CLRN1: variants seen among roughly 807,000 people sequenced by gnomAD.
CLRN1 encodes the protein clarin 1.
Under a neutral mutation model 18.7 loss-of-function variants are expected in CLRN1, and 15 were observed. The ratio of observed to expected loss-of-function variants is 0.80; its 90% confidence interval spans 0.54 to 1.23. The LOEUF (loss-of-function observed/expected upper bound fraction) is 1.23, where lower values mean the gene tolerates loss of function less well. Among genes scored for constraint, CLRN1 ranks in the 50% most tolerant of loss-of-function variants. The pLI is 0.00. For synonymous variants in CLRN1, 104 were observed against 102.9 expected, an observed-to-expected ratio of 1.01 and a Z score of -0.07; for missense variants, 311 against 277.5, an observed-to-expected ratio of 1.12 and a Z score of -0.86.
chr3:150,972,334 T>C (rs954592151), intron 1 of CLRN1, 122 bp downstream of exon 1: 14 of 1,257,098 alleles, frequency 1.1e-5, no homozygotes, highest in Middle Eastern at 1.9e-4. Flanking sequence ...GTTTTTCATA[T>C]GGTTCACACC....
intron 1 of CLRN1, among the ~76,000 whole-genome samples, chr3:150,945,126 A>G (rs1423164992): frequency 6.6e-6 from 1 of 152,166 alleles, no homozygotes; most frequent in African/African-American, 2.4e-5. Context: ...TTTATGTGCT[A>G]AGTGCCTCAA....
chr3:150,971,863 G>GT (rs1715553454), intron 1 of CLRN1, among the ~76,000 whole-genome samples: 1 of 152,178 alleles, frequency 6.6e-6, no homozygotes, highest in Non-Finnish European at 1.5e-5. Context: ...AGGTCAATCA[G>GT]TTTAAAATGT....
At chr3:150,938,015 C>T (rs1360577899) in intron 2 of CLRN1, among the ~76,000 whole-genome samples, 2 of 152,020 alleles carry the variant, frequency 1.3e-5, no homozygotes, top group African/African-American at 4.8e-5. Flanking sequence ...CCCAGGATGC[C>T]AAGTCTTGGG....
At chr3:150,939,464 C>A (rs1713680841) in intron 2 of CLRN1, among the ~76,000 whole-genome samples, 1 of 152,182 alleles carries the variant, frequency 6.6e-6, no homozygotes, top group South Asian at 2.1e-4. Flanking sequence ...ACCTCGGAGT[C>A]TCTTTTTGTT....
chr3:150,935,648 G>C (rs1180065488), intron 2 of CLRN1, among the ~76,000 whole-genome samples: 4 of 150,974 alleles, frequency 2.6e-5, no homozygotes, highest in Non-Finnish European at 5.9e-5. Flanking sequence ...ATAGTCCTTT[G>C]GGTATATACC....
intron 2 of CLRN1, among the ~76,000 whole-genome samples, chr3:150,938,752 A>G (rs1020538370): frequency 3.3e-5 from 5 of 152,036 alleles, no homozygotes; most frequent in African/African-American, 1.2e-4. Flanking sequence ...TCCCTGATTC[A>G]CAAACCTTTA....
chr3:150,928,335 A>C (rs1712945914), intron 2 of CLRN1, 134 bp from the exon 3 acceptor site: 1 of 1,127,534 alleles, frequency 8.9e-7, no homozygotes, highest in Non-Finnish European at 1.3e-6. Context: ...AAATTATTGC[A>C]TATTTGTAAT....
At chr3:150,948,304 G>A (rs1389686966) in intron 1 of CLRN1, among the ~76,000 whole-genome samples, 1 of 151,816 alleles carries the variant, frequency 6.6e-6, no homozygotes, top group African/African-American at 2.4e-5. Context: ...CTAACACGGT[G>A]AAACCCCGTC....
chr3:150,967,433 G>A (rs1715317222), intron 1 of CLRN1, among the ~76,000 whole-genome samples: 1 of 151,892 alleles, frequency 6.6e-6, no homozygotes, highest in African/African-American at 2.4e-5. Flanking sequence ...CTATTTGCTG[G>A]ACTGTTTTAA....
chr3:150,930,162 C>T (rs537426563), intron 2 of CLRN1, among the ~76,000 whole-genome samples: 6 of 152,106 alleles, frequency 3.9e-5, no homozygotes, highest in Non-Finnish European at 5.9e-5. Context: ...GGGGCTGTTA[C>T]TGAGAGGGTG....
chr3:150,941,145 T>TATCTATCTATC (rs1241939026), intron 2 of CLRN1, among the ~76,000 whole-genome samples: 2 of 73,602 alleles, frequency 2.7e-5, no homozygotes, highest in East Asian at 5.8e-4. Flanking sequence ...TCTGTCTATC[T>TATCTATCTATC]ATCTATCTAT....
At chr3:150,959,501 C>T (rs904925781) in intron 1 of CLRN1, among the ~76,000 whole-genome samples, 1 of 151,820 alleles carries the variant, frequency 6.6e-6, no homozygotes, top group Non-Finnish European at 1.5e-5. Context: ...CAGTGATGGG[C>T]CCCTATAGTC....
At chr3:150,945,854 C>T (rs557918007) in intron 1 of CLRN1, among the ~76,000 whole-genome samples, 2 of 152,288 alleles carry the variant, frequency 1.3e-5, no homozygotes, top group South Asian at 4.1e-4. Flanking sequence ...TTTGAGGCAG[C>T]TGGGCAATCT....
chr3:150,956,658 T>C (rs1249714260), intron 1 of CLRN1, among the ~76,000 whole-genome samples: 7 of 152,182 alleles, frequency 4.6e-5, no homozygotes, highest in Non-Finnish European at 7.3e-5. Context: ...GATGCTCTCA[T>C]AGGAAAGCTG....
At chr3:150,968,933 A>AC (rs1576648758) in intron 1 of CLRN1, among the ~76,000 whole-genome samples, 1 of 151,082 alleles carries the variant, frequency 6.6e-6, no homozygotes, top group South Asian at 2.1e-4. Flanking sequence ...GGAGCGCCCC[A>AC]CCCCCGCGTC....
At chr3:150,950,262 C>T (rs1714411960) in intron 1 of CLRN1, among the ~76,000 whole-genome samples, 1 of 152,192 alleles carries the variant, frequency 6.6e-6, no homozygotes, top group Non-Finnish European at 1.5e-5. Flanking sequence ...GCAAAGATTT[C>T]ATGACAAAGA....
At chr3:150,957,041 T>C (rs1714772767) in intron 1 of CLRN1, among the ~76,000 whole-genome samples, 1 of 152,124 alleles carries the variant, frequency 6.6e-6, no homozygotes, top group South Asian at 2.1e-4. Context: ...TACCCAACCT[T>C]CCCTTTATTC....
At chr3:150,941,138 GTCTATCTATCTATCTATCTA>G (rs59227042) in intron 2 of CLRN1, among the ~76,000 whole-genome samples, 2 of 141,502 alleles carry the variant, frequency 1.4e-5, no homozygotes, top group Non-Finnish European at 3.0e-5. Flanking sequence ...CTGTCTGTCT[GTCTATCTATCTATCTATCTA>G]TCTATCTATC....
chr3:150,970,257 C>A (rs1034865724), intron 1 of CLRN1, among the ~76,000 whole-genome samples: 1 of 152,096 alleles, frequency 6.6e-6, no homozygotes, highest in African/African-American at 2.4e-5. Context: ...CTCATCCAAG[C>A]AAACGTTGAT....
Sources: gnomAD v4.1 joint callset for allele counts (sites outside exome capture counted in the v4.1 genomes callset) on GRCh38, gnomAD v4.1.1 for gene constraint, MANE v1.5 for transcripts, NCBI Gene and HGNC (gene_info 2026-07-23, HGNC 2026-07-21) for gene names.